Variants in INTS6 observed in about 807,000 individuals in gnomAD.
The protein encoded by INTS6 is DEAD box protein.
In INTS6, 16 loss-of-function variants were observed where a neutral mutation model predicts 104.9. That is an observed-to-expected ratio of 0.15 (90% CI 0.10 to 0.23). The LOEUF (loss-of-function observed/expected upper bound fraction) is 0.23, where lower values mean the gene tolerates loss of function less well. INTS6 is among the 10% of genes least tolerant of loss of function. INTS6 has a pLI of 1.00. For synonymous variants in INTS6, 324 were observed against 358.7 expected, an observed-to-expected ratio of 0.90 and a Z score of 1.09; for missense variants, 584 against 1,062.8, an observed-to-expected ratio of 0.55 and a Z score of 6.26.
intron 4 of INTS6, among the ~76,000 whole-genome samples, chr13:51,408,099 C>T (rs140623169): frequency 6.7e-6 from 1 of 148,884 alleles, no homozygotes; most frequent in East Asian, 2.0e-4. Context: ...CCAAATTATT[C>T]AGAATCTACC....
intron 3 of INTS6, chr13:51,450,500 G>C: frequency 1.0e-6 from 1 of 985,168 alleles, no homozygotes; most frequent in Non-Finnish European, 1.2e-6. Context: ...GTTGTTAACT[G>C]TGTATGCTTC....
the INTS6 span, chr13:51,340,634 A>G: frequency 6.1e-6 from 1 of 165,220 alleles, no homozygotes; most frequent in African/African-American, 2.4e-5. Context: ...GCAAATGTAC[A>G]AAGTCCTTTT....
intron 4 of INTS6, among the ~76,000 whole-genome samples, chr13:51,408,440 C>T (rs912986223): frequency 2.0e-5 from 3 of 152,114 alleles, no homozygotes; most frequent in Admixed American, 1.3e-4. Context: ...CCACTGCACC[C>T]GGTCATTGAG....
intron 3 of INTS6, chr13:51,446,708 T>C (rs899053793): frequency 6.6e-6 from 1 of 152,092 alleles, no homozygotes; most frequent in African/African-American, 2.4e-5. Context: ...TACAATAGAG[T>C]ATTATTCAGC....
At chr13:51,373,656 T>G (rs1169869661) in intron 15 of INTS6, among the ~76,000 whole-genome samples, 2 of 152,256 alleles carry the variant, frequency 1.3e-5, no homozygotes, top group South Asian at 4.1e-4. Flanking sequence ...GCACAGCTTT[T>G]GGCTTAAGCA....
chr13:51,350,726 CACT>C (rs1955395859), downstream of INTS6, among the ~76,000 whole-genome samples: 2 of 152,142 alleles, frequency 1.3e-5, no homozygotes, highest in Admixed American at 6.5e-5. Flanking sequence ...GTGCAACCAT[CACT>C]ACTAATTCCA....
At position 51,391,508 on chromosome 13, in the gene INTS6, C is replaced by T. The variant is rs1011246368; in HGVS notation, c.614-2064G>A. ...CTTTACAAAGTGAGCCTATATCCTC[C>T]GTAATGTTCCTCATGTGTACTTATT... On this transcript the variant is annotated intron_variant, in intron 5 of 17. Transcript: ENST00000311234. 1.4e-4 allele frequency among the ~76,000 whole-genome samples: 21 copies of T among 152,228 alleles called. No individual in the cohort carries two copies. In the South Asian group the frequency reaches 1.5e-3, roughly 11 times the overall value.
At chr13:51,427,330 G>A (rs1030332972) in intron 4 of INTS6, among the ~76,000 whole-genome samples, 4 of 152,142 alleles carry the variant, frequency 2.6e-5, no homozygotes, top group African/African-American at 9.6e-5. Flanking sequence ...AAAAGACAGT[G>A]ATATAAAGGC....
At chr13:51,335,959 A>G in the INTS6 span, 1 of 152,170 alleles carries the variant, frequency 6.6e-6, no homozygotes, top group Non-Finnish European at 1.5e-5. Flanking sequence ...CAATCAAGAG[A>G]GGGGTGCTTG....
the INTS6 span, among the ~76,000 whole-genome samples, chr13:51,338,956 C>T: frequency 2.0e-5 from 3 of 152,274 alleles, no homozygotes; most frequent in African/African-American, 7.2e-5. Context: ...TAATACAAGG[C>T]CTAAGTCCTT....
rs530237519 is a variant in INTS6 at position 51,377,119 on chromosome 13, A to T, written c.1603-945T>A. Among the ~76,000 whole-genome samples, 3 of 152,110 alleles carry T rather than the reference A, an allele frequency of 2.0e-5. No homozygotes were observed. In the East Asian group the frequency reaches 5.8e-4, roughly 29 times the overall value. On this transcript the variant is annotated intron_variant, in intron 12 of 17. Coordinates refer to ENST00000311234, the MANE Select transcript of INTS6 (RefSeq NM_012141.3). ...GTATCTCGTTATGGTTTTAATTTGCATTTCCCTAATGGCTGATAAGGCTGA... is the reference window on the plus strand; with the variant it reads ...GTATCTCGTTATGGTTTTAATTTGCTTTTCCCTAATGGCTGATAAGGCTGA...
intron 4 of INTS6, among the ~76,000 whole-genome samples, chr13:51,411,698 G>A (rs1430502727): frequency 6.6e-6 from 1 of 152,130 alleles, no homozygotes; most frequent in Non-Finnish European, 1.5e-5. Flanking sequence ...AGAGTAACTA[G>A]GACTCTCATA....
intron 17 of INTS6, among the ~76,000 whole-genome samples, chr13:51,366,786 A>C (rs1263603826): frequency 6.6e-6 from 1 of 151,964 alleles, no homozygotes; most frequent in Non-Finnish European, 1.5e-5. Context: ...AACAAAACCA[A>C]CTTTATCTAA....
At chr13:51,422,450 C>T (rs1956912193) in intron 4 of INTS6, among the ~76,000 whole-genome samples, 1 of 152,154 alleles carries the variant, frequency 6.6e-6, no homozygotes, top group South Asian at 2.1e-4. Flanking sequence ...GTTCAGGGCT[C>T]CTGTCAAATA....
intron 7 of INTS6, chr13:51,384,524 T>G: frequency 2.4e-6 from 1 of 423,170 alleles, no homozygotes; most frequent in Non-Finnish European, 4.8e-6. Context: ...TGGGGCCAGA[T>G]GGCTCCTATT....
chr13:51,451,873 G>A, intron 2 of INTS6, 105 bp downstream of exon 2: 1 of 700,914 alleles, frequency 1.4e-6, no homozygotes, highest in Middle Eastern at 3.7e-4. Context: ...AGCGCAGCGG[G>A]TGGGGGAGGG....
intron 15 of INTS6, among the ~76,000 whole-genome samples, chr13:51,369,880 GGTGCC>G (rs1163620730): frequency 6.6e-6 from 1 of 152,110 alleles, no homozygotes; most frequent in African/African-American, 2.4e-5. Flanking sequence ...AGAGCAACCT[GGTGCC>G]CACTTCAGCT....
intron 3 of INTS6, among the ~76,000 whole-genome samples, chr13:51,434,153 T>C (rs1483134054): frequency 7.9e-5 from 12 of 152,234 alleles, no homozygotes; most frequent in Admixed American, 7.9e-4. Context: ...GTTTTTAATA[T>C]ATCCTTTCTG....
At chr13:51,341,905 T>C in the INTS6 span, among the ~76,000 whole-genome samples, 1 of 152,214 alleles carries the variant, frequency 6.6e-6, no homozygotes, top group Non-Finnish European at 1.5e-5. Context: ...TAAGAGCCCA[T>C]GCTTTTGACC....
Sources: gnomAD v4.1 joint callset for allele counts (sites outside exome capture counted in the v4.1 genomes callset) on GRCh38, gnomAD v4.1.1 for gene constraint, MANE v1.5 for transcripts, NCBI Gene and HGNC (gene_info 2026-07-23, HGNC 2026-07-21) for gene names.